MID1: variants seen among roughly 807,000 people sequenced by gnomAD.
The protein encoded by MID1 is E3 ubiquitin-protein ligase Midline-1.
Under a neutral mutation model 40.4 loss-of-function variants are expected in MID1, and 7 were observed. The observed-to-expected ratio is 0.17, with a 90% CI of 0.10 to 0.33. MID1 has a LOEUF of 0.33. Among genes scored for constraint, MID1 ranks in the 10% least tolerant of loss-of-function variants. The pLI, the probability that MID1 is intolerant of heterozygous loss-of-function variation, is 1.00. For synonymous variants in MID1, 229 were observed against 221.2 expected (o/e 1.04, Z -0.31); for missense variants, 367 against 558.5 (o/e 0.66, Z 3.46).
chrX:10,728,378 T>C (rs1397914683), intron 1 of MID1, among the ~76,000 whole-genome samples: 1 of 111,936 alleles, frequency 8.9e-6, no homozygotes, highest in East Asian at 2.8e-4. Context: ...GGAACAGTGT[T>C]GACACAGTTC....
At chrX:10,770,410 G>T (rs111873144) in intron 1 of MID1, among the ~76,000 whole-genome samples, 11,584 of 111,575 alleles carry the variant, frequency 0.1, 1,446 homozygotes, top group African/African-American at 0.36. Context: ...TTCTGGGAGG[G>T]GACTGAGGTC....
intron 1 of MID1, among the ~76,000 whole-genome samples, chrX:10,574,684 T>G (rs986882205): frequency 8.9e-6 from 1 of 112,637 alleles, no homozygotes; most frequent in Non-Finnish European, 1.9e-5. Context: ...TTTTCTAATT[T>G]GGAGTATATG....
At chrX:10,467,004 T>G (rs1224011439) in intron 7 of MID1, among the ~76,000 whole-genome samples, 1 of 111,648 alleles carries the variant, frequency 9.0e-6, no homozygotes, top group Admixed American at 9.6e-5. Flanking sequence ...GAAGGAGAGA[T>G]ATTCAAGGAT....
intron 2 of MID1, among the ~76,000 whole-genome samples, chrX:10,540,745 C>T (rs1194503254): frequency 1.8e-5 from 2 of 111,687 alleles, no homozygotes; most frequent in Non-Finnish European, 1.9e-5. Context: ...GCAGAAAAGA[C>T]TCATGAATTC....
At chrX:10,683,902 C>G (rs2043076624) in intron 1 of MID1, among the ~76,000 whole-genome samples, 1 of 102,337 alleles carries the variant, frequency 9.8e-6, no homozygotes, top group Non-Finnish European at 2.0e-5. Flanking sequence ...TCATGAGTAG[C>G]TGGGACTACA....
At chrX:10,612,489 G>C (rs910550591) in intron 1 of MID1, among the ~76,000 whole-genome samples, 1 of 112,175 alleles carries the variant, frequency 8.9e-6, no homozygotes, top group African/African-American at 3.2e-5. Flanking sequence ...TGGGCTAAAT[G>C]ACTCATCTCA....
intron 1 of MID1, among the ~76,000 whole-genome samples, chrX:10,726,874 C>T (rs1024608443): frequency 1.1e-4 from 12 of 112,675 alleles, no homozygotes; most frequent in Non-Finnish European, 2.2e-4. Context: ...CTTGTGGCTA[C>T]ACAGGAATCA....
intron 2 of MID1, among the ~76,000 whole-genome samples, chrX:10,550,015 T>TA (rs1933846498): frequency 8.9e-6 from 1 of 112,956 alleles, no homozygotes; most frequent in Non-Finnish European, 1.9e-5. Context: ...TTTGCAAGGA[T>TA]AAAGACGCAA....
intron 2 of MID1, among the ~76,000 whole-genome samples, chrX:10,566,498 TCTCTCTCTCTCTCC>T (rs1934539430): frequency 1.4e-5 from 1 of 71,492 alleles, no homozygotes; most frequent in Non-Finnish European, 2.7e-5. Context: ...TATCTGTCAT[TCTCTCTCTCTCTCC>T]CTCTCTCTCC....
chrX:10,702,151 G>A (rs1241715079), intron 1 of MID1, among the ~76,000 whole-genome samples: 1 of 112,489 alleles, frequency 8.9e-6, no homozygotes, highest in Non-Finnish European at 1.9e-5. Flanking sequence ...AACTTGCCAA[G>A]AATAAGGAAA....
At chrX:10,752,006 A>G (rs1241230018) in intron 1 of MID1, among the ~76,000 whole-genome samples, 1 of 111,427 alleles carries the variant, frequency 9.0e-6, no homozygotes, top group Non-Finnish European at 1.9e-5. Context: ...GCCATGTGAC[A>G]TGGCTGCTCT....
intron 2 of MID1, chrX:10,565,056 C>T (rs1043781747): frequency 8.1e-6 from 2 of 247,493 alleles, no homozygotes; most frequent in African/African-American, 2.9e-5. Flanking sequence ...TAATAGCCTT[C>T]GCAATTTCTT....
intron 1 of MID1, among the ~76,000 whole-genome samples, chrX:10,598,036 A>AC (rs1935446239): frequency 9.0e-6 from 1 of 111,590 alleles, no homozygotes. Context: ...CTGCATCTCA[A>AC]CATTTATCAG....
At chrX:10,755,666 G>A (rs766791556) in intron 1 of MID1, among the ~76,000 whole-genome samples, 1 of 111,849 alleles carries the variant, frequency 8.9e-6, no homozygotes, top group Admixed American at 9.5e-5. Context: ...AATGTGGAGC[G>A]AGCCAACCTA....
intron 2 of MID1, among the ~76,000 whole-genome samples, chrX:10,545,965 T>C (rs994415980): frequency 1.8e-5 from 2 of 111,657 alleles, no homozygotes; most frequent in Non-Finnish European, 3.8e-5. Context: ...CTACAAGACA[T>C]AGTTTAGATT....
chrX:10,464,379 C>G (rs956164372), intron 7 of MID1, among the ~76,000 whole-genome samples: 3 of 111,905 alleles, frequency 2.7e-5, no homozygotes, highest in Non-Finnish European at 5.6e-5. Context: ...CCCTAAGTTT[C>G]AAGCAATAAA....
chrX:10,773,495 T>C (rs2043782932), intron 1 of MID1, among the ~76,000 whole-genome samples: 1 of 112,417 alleles, frequency 8.9e-6, no homozygotes. Flanking sequence ...AAGTGACATG[T>C]GTCTTATCTT....
intron 9 of MID1, 71 bp downstream of exon 9, chrX:10,454,799 G>T: frequency 1.1e-6 from 1 of 907,400 alleles, no homozygotes; most frequent in Non-Finnish European, 1.6e-6. Context: ...TTACAGTATG[G>T]GTTGACTCTC....
intron 9 of MID1, among the ~76,000 whole-genome samples, chrX:10,450,373 A>T (rs1385423550): frequency 8.9e-6 from 1 of 112,530 alleles, no homozygotes; most frequent in Non-Finnish European, 1.9e-5. Flanking sequence ...ATTTGCAGGG[A>T]TAAATCCTTT....
Sources: gnomAD v4.1 joint callset for allele counts (sites outside exome capture counted in the v4.1 genomes callset) on GRCh38, gnomAD v4.1.1 for gene constraint, MANE v1.5 for transcripts, NCBI Gene and HGNC (gene_info 2026-07-23, HGNC 2026-07-21) for gene names.